Variants in COL5A3 observed in about 807,000 individuals in gnomAD.
The protein encoded by COL5A3 is collagen alpha-3(V) chain.
Under a neutral mutation model 250.0 loss-of-function variants are expected in COL5A3, and 172 were observed. The ratio of observed to expected loss-of-function variants is 0.69; its 90% confidence interval spans 0.61 to 0.78. The LOEUF is 0.78. Ranked by LOEUF, COL5A3 falls within the 30% of genes least tolerant of loss-of-function variation. The probability of loss-of-function intolerance (pLI) is 0.00; values close to 1 mark genes in which losing one functional copy is unlikely to be tolerated. For missense variants in COL5A3, 2,340 were observed against 2,334.4 expected, an observed-to-expected ratio of 1.00 and a Z score of -0.05; for synonymous variants, 937 against 900.4, an observed-to-expected ratio of 1.04 and a Z score of -0.73.
chr19:10,000,699 TCA>T (rs1456109945), intron 8 of COL5A3, among the ~76,000 whole-genome samples: 1 of 151,986 alleles, frequency 6.6e-6, no homozygotes, highest in African/African-American at 2.4e-5. Flanking sequence ...CTCTCTCTAG[TCA>T]CAGAGTCAAC....
Position 9,973,925 on chromosome 19 carries a change from T to C in COL5A3, c.3552A>G (p.Gly1184=). 1 of 1,570,146 alleles carries C rather than the reference T, an allele frequency of 6.4e-7. No homozygotes were observed. Among genetic ancestry groups the C allele is most frequent in the Non-Finnish European group, 8.6e-7 (1 of 1,156,198 alleles). The stretch of plus-strand genomic sequence containing the variant: ...GCCCCCCAAGAGTTCTCACCTCTGA[T>C]CCAGTGGGGCCTTGGGGACCCCGAG... The part of the protein sequence containing the change: ...PGPRGPQGPT[G]SEGTPGLPGG... The change falls in exon 48 of 67, where the codon GGA becomes GGG. Residue 1184 remains glycine (G), a synonymous_variant. Transcript: ENST00000264828.
intron 31 of COL5A3, among the ~76,000 whole-genome samples, chr19:9,984,452 G>T (rs1246963787): frequency 6.6e-6 from 1 of 152,108 alleles, no homozygotes; most frequent in Non-Finnish European, 1.5e-5. Context: ...GCAAACAAAT[G>T]TTATGTTTTC....
intron 65 of COL5A3, among the ~76,000 whole-genome samples, chr19:9,961,760 A>G (rs8106808): frequency 0.053 from 8,052 of 151,970 alleles, 661 homozygotes; most frequent in African/African-American, 0.18. Flanking sequence ...GGGTTTCACC[A>G]TGTTAGCCAG....
chr19:10,001,939 G>A (rs2087369930), intron 6 of COL5A3, 58 bp from the exon 7 acceptor site: 1 of 1,249,292 alleles, frequency 8.0e-7, no homozygotes, highest in Admixed American at 1.8e-5. Flanking sequence ...AGACAAAAGG[G>A]AGGCACCCTC....
At chr19:9,969,970 C>A (rs1383744252) in intron 54 of COL5A3, 48 bp from the exon 55 acceptor site, 12 of 1,550,660 alleles carry the variant, frequency 7.7e-6, no homozygotes, top group Non-Finnish European at 1.1e-5. Flanking sequence ...GACTGAGGGT[C>A]AGAGGGGTGA....
At chr19:9,967,460 T>A in intron 61 of COL5A3, 60 bp from the exon 62 acceptor site, 1 of 1,214,032 alleles carries the variant, frequency 8.2e-7, no homozygotes, top group Non-Finnish European at 1.1e-6. Context: ...CCCACCAACA[T>A]ACACACAAAC....
At chr19:9,989,052 T>G in intron 27 of COL5A3, 72 bp downstream of exon 27, 1 of 1,502,960 alleles carries the variant, frequency 6.7e-7, no homozygotes, top group South Asian at 1.1e-5. Context: ...TCCAGAAGTT[T>G]CTGATGGAGC....
chr19:9,983,594 A>AAG (rs2087047789), intron 31 of COL5A3, among the ~76,000 whole-genome samples: 1 of 76,462 alleles, frequency 1.3e-5, no homozygotes, highest in African/African-American at 5.3e-5. Context: ...GAAAGAAAGA[A>AAG]AGAAAGAGAA....
At chr19:9,989,767 A>T (rs1195677856) in intron 24 of COL5A3, among the ~76,000 whole-genome samples, 2 of 152,170 alleles carry the variant, frequency 1.3e-5, no homozygotes, top group East Asian at 3.9e-4. Flanking sequence ...ACAGTACAAG[A>T]TTGATAGCAC....
At chr19:9,973,309 G>A (rs12973008) in intron 50 of COL5A3, among the ~76,000 whole-genome samples, 63,606 of 152,008 alleles carry the variant, frequency 0.42, 13,583 homozygotes, top group South Asian at 0.45. Flanking sequence ...CTCATCCTCA[G>A]GTCAGGACTC....
rs989229846 is a variant in COL5A3, at chr19:10,009,671, G to A, written c.88+627C>T. On this transcript the variant is annotated intron_variant, in intron 1 of 66. Coordinates refer to ENST00000264828, the MANE Select transcript of COL5A3 (RefSeq NM_015719.4). This position sits in a 1 kb window ranked among gnomAD's most constrained non-coding sequence, Gnocchi z 4.4. The stretch of plus-strand genomic sequence containing the variant: ...TGGGCGCTCGCCAATTTGGGGCAGA[G>A]GAGGAAAAGGGAGAATGAGGTGAAG... Among the ~76,000 whole-genome samples the A allele has an allele frequency of 7.2e-5, 11 of 152,194 alleles. No homozygotes were observed. Among genetic ancestry groups the A allele is most frequent in the African/African-American group, 1.9e-4 (8 of 41,496 alleles).
chr19:9,997,504 C>T (rs2087290360), intron 10 of COL5A3, 71 bp from the exon 11 acceptor site: 2 of 992,322 alleles, frequency 2.0e-6, no homozygotes, highest in Middle Eastern at 2.1e-4. Context: ...CAACCTACCA[C>T]TGACTCTAAC....
At chr19:9,970,372 GGTAAGCGGGGGC>G (rs2086821132) in intron 54 of COL5A3, among the ~76,000 whole-genome samples, 1 of 139,322 alleles carries the variant, frequency 7.2e-6, no homozygotes, top group Non-Finnish European at 1.6e-5. Flanking sequence ...GGGTCTGTGG[GGTAAGCGGGGGC>G]TGTGGGGTGA....
intron 4 of COL5A3, among the ~76,000 whole-genome samples, chr19:10,004,750 TCA>T (rs1462860997): frequency 6.6e-6 from 1 of 151,940 alleles, no homozygotes; most frequent in African/African-American, 2.4e-5. Flanking sequence ...CACATCACGG[TCA>T]CACACAGCTA....
At chr19:9,977,841 G>T in intron 41 of COL5A3, 140 bp from the exon 42 acceptor site, 1 of 568,292 alleles carries the variant, frequency 1.8e-6, no homozygotes, top group Non-Finnish European at 2.8e-6. Context: ...GCCAGAGGGT[G>T]CCTGTGAGCA....
intron 1 of COL5A3, among the ~76,000 whole-genome samples, chr19:10,007,385 C>T (rs960554354): frequency 6.6e-6 from 1 of 152,210 alleles, no homozygotes; most frequent in Admixed American, 6.5e-5. Context: ...CCCTGTCTGA[C>T]CCTCTCCCTC....
In COL5A3 at chr19:9,972,869, C is replaced by T. The variant is rs758482086; in HGVS notation, c.3774+50G>A. Reference sequence around the variant, plus strand: ...AAAAAGTTTGGGAGAGCTTCAAGTACATTCAAGTGCCCCCTCCCATGTCTG... The same window carrying T: ...AAAAAGTTTGGGAGAGCTTCAAGTATATTCAAGTGCCCCCTCCCATGTCTG... On this transcript the variant is annotated intron_variant, in intron 51 of 66. Coordinates refer to ENST00000264828, the MANE Select transcript of COL5A3 (RefSeq NM_015719.4). 7 of 1,372,464 alleles carry T rather than the reference C, an allele frequency of 5.1e-6. No homozygotes were observed. In the South Asian group the frequency reaches 5.7e-5, roughly 11 times the overall value. 85.0% of individuals were successfully genotyped at this position (1,372,464 alleles called of 1,614,324 possible). A position where few individuals can be genotyped will look rare whatever the true frequency, so the allele number is the denominator to read the frequency against.
chr19:9,971,141 G>C, intron 52 of COL5A3, 64 bp downstream of exon 52: 1 of 1,416,628 alleles, frequency 7.1e-7, no homozygotes, highest in Non-Finnish European at 9.5e-7. Context: ...CCAGGTCTGT[G>C]GGGGTAGGGA....
At chr19:9,972,759 C>G (rs541347851) in intron 51 of COL5A3, among the ~76,000 whole-genome samples, 160 bp downstream of exon 51, 1 of 152,234 alleles carries the variant, frequency 6.6e-6, no homozygotes, top group East Asian at 1.9e-4. Context: ...TCGCTTGAAC[C>G]CGGAAGACGG....
Sources: allele counts gnomAD v4.1 joint callset (sites outside exome capture counted in the v4.1 genomes callset), GRCh38; gene constraint gnomAD v4.1.1; non-coding constraint Gnocchi (gnomAD v3.1); transcripts MANE v1.5; gene names NCBI Gene and HGNC (gene_info 2026-07-23, HGNC 2026-07-21).